Variants in PARD3 observed in about 807,000 individuals in gnomAD.
PARD3 encodes partitioning defective 3 homolog.
PARD3 carries 75 observed loss-of-function variants against 155.4 expected under a neutral mutation model. That is an observed-to-expected ratio of 0.48 (90% CI 0.40 to 0.58). PARD3 has a LOEUF of 0.58. Ranked by LOEUF, PARD3 falls within the 20% of genes least tolerant of loss-of-function variation. The pLI is 0.00. For synonymous variants in PARD3, 576 were observed against 610.5 expected, an observed-to-expected ratio of 0.94 and a Z score of 0.83; for missense variants, 1,642 against 1,721.7, an observed-to-expected ratio of 0.95 and a Z score of 0.82.
At chr10:34,312,389 G>A in intron 20 of PARD3, 1 of 1,612,552 alleles carries the variant, frequency 6.2e-7, no homozygotes, top group African/African-American at 1.3e-5. Context: ...AAGGCTAAAT[G>A]AGAGACACGG....
At chr10:34,647,155 C>T (rs900648507) in intron 2 of PARD3, among the ~76,000 whole-genome samples, 1 of 152,176 alleles carries the variant, frequency 6.6e-6, no homozygotes, top group Non-Finnish European at 1.5e-5. Flanking sequence ...ACCAGAATCA[C>T]GTTTTGAAGA....
intron 1 of PARD3, among the ~76,000 whole-genome samples, chr10:34,700,768 T>TA (rs1389504446): frequency 5.9e-5 from 9 of 152,270 alleles, no homozygotes; most frequent in African/African-American, 1.9e-4. Flanking sequence ...GGTCAGGAGT[T>TA]AGAGACCAGC....
In PARD3 at chr10:34,459,810, C is replaced by A. The variant is rs559715503; in HGVS notation, c.583-9362G>T. On this transcript the variant is annotated intron_variant, in intron 4 of 24. Coordinates refer to ENST00000374788, the MANE Select transcript of PARD3 (RefSeq NM_001184785.2). ...TTTAAATCACATATAACTAGTCTGACAATGTAAGATAATTACCACTTTCTT... is the reference window on the plus strand; with the variant it reads ...TTTAAATCACATATAACTAGTCTGAAAATGTAAGATAATTACCACTTTCTT... Among the ~76,000 whole-genome samples the A allele has an allele frequency of 6.6e-4, 101 of 152,154 alleles. 1 individual carries two copies. In the South Asian group the frequency reaches 7.3e-3, roughly 11 times the overall value.
chr10:34,798,601 A>C (rs1381630979), intron 1 of PARD3, among the ~76,000 whole-genome samples: 1 of 151,278 alleles, frequency 6.6e-6, no homozygotes, highest in African/African-American at 2.4e-5. Context: ...GCCGCTCAGG[A>C]AGCTGAGGCA....
chr10:34,730,452 A>C (rs184679995), intron 1 of PARD3, among the ~76,000 whole-genome samples: 2 of 152,318 alleles, frequency 1.3e-5, no homozygotes, highest in Admixed American at 1.3e-4. Context: ...ATCAGGGGAA[A>C]TCAATTTTTA....
At chr10:34,655,618 G>A (rs1292857107) in intron 2 of PARD3, among the ~76,000 whole-genome samples, 1 of 152,162 alleles carries the variant, frequency 6.6e-6, no homozygotes, top group Non-Finnish European at 1.5e-5. Flanking sequence ...GCAGAAGAGG[G>A]CAGAATGCAG....
intron 22 of PARD3, among the ~76,000 whole-genome samples, chr10:34,268,626 T>C (rs1242249294): frequency 6.6e-6 from 1 of 152,004 alleles, no homozygotes; most frequent in Non-Finnish European, 1.5e-5. Context: ...ATGTCCTTTG[T>C]AGGGACATGG....
intron 19 of PARD3, among the ~76,000 whole-genome samples, chr10:34,323,119 T>C (rs956095546): frequency 2.0e-5 from 3 of 152,212 alleles, no homozygotes; most frequent in Non-Finnish European, 4.4e-5. Flanking sequence ...AACTCCTGCA[T>C]AGGAATCAAG....
chr10:34,676,250 C>T (rs1035305375), intron 2 of PARD3, among the ~76,000 whole-genome samples: 1 of 152,158 alleles, frequency 6.6e-6, no homozygotes, highest in African/African-American at 2.4e-5. Context: ...GGAAACCTTA[C>T]CTCAAAGTGA....
chr10:34,379,232 C>T (rs1307316796), intron 9 of PARD3, among the ~76,000 whole-genome samples: 1 of 151,154 alleles, frequency 6.6e-6, no homozygotes, highest in African/African-American at 2.4e-5. Flanking sequence ...TATAAGTGAA[C>T]AAAAAAGGGT....
chr10:34,208,742 C>T (rs1000872100), intron 22 of PARD3, among the ~76,000 whole-genome samples: 6 of 152,088 alleles, frequency 3.9e-5, no homozygotes, highest in South Asian at 2.1e-4. Context: ...CTCAAGGAGC[C>T]GAGGGCCATC....
intron 2 of PARD3, among the ~76,000 whole-genome samples, chr10:34,596,852 A>T (rs1001502621): frequency 6.6e-6 from 1 of 152,200 alleles, no homozygotes; most frequent in Non-Finnish European, 1.5e-5. Flanking sequence ...TATTACCTAA[A>T]TCTTAAATAA....
intron 11 of PARD3, among the ~76,000 whole-genome samples, chr10:34,374,357 T>C (rs964452690): frequency 2.6e-5 from 4 of 152,230 alleles, no homozygotes; most frequent in Non-Finnish European, 5.9e-5. Flanking sequence ...ATTTGTATAA[T>C]TAATAGCCAT....
intron 3 of PARD3, among the ~76,000 whole-genome samples, chr10:34,507,427 T>C (rs1027117034): frequency 4.0e-5 from 6 of 150,876 alleles, no homozygotes; most frequent in African/African-American, 1.5e-4. Flanking sequence ...AAATAAACAA[T>C]AGAGGTAACG....
chr10:34,760,971 ATAAAT>A (rs1050268464), intron 1 of PARD3, among the ~76,000 whole-genome samples: 35 of 152,334 alleles, frequency 2.3e-4, no homozygotes, highest in African/African-American at 8.2e-4. Flanking sequence ...ACTGCAATAA[ATAAAT>A]TAAATTAAAT....
At chr10:34,640,443 CCT>C (rs995130538) in intron 2 of PARD3, among the ~76,000 whole-genome samples, 10 of 151,966 alleles carry the variant, frequency 6.6e-5, no homozygotes, top group African/African-American at 2.2e-4. Flanking sequence ...ATGGTGAAAC[CCT>C]GTCTCTACTA....
chr10:34,406,593 T>A (rs1347277855), intron 5 of PARD3, among the ~76,000 whole-genome samples: 1 of 152,184 alleles, frequency 6.6e-6, no homozygotes, highest in East Asian at 1.9e-4. Flanking sequence ...GGTCTTGCTA[T>A]GTTGCCCAGT....
intron 22 of PARD3, among the ~76,000 whole-genome samples, chr10:34,228,613 T>C (rs546687022): frequency 6.6e-6 from 1 of 152,190 alleles, no homozygotes; most frequent in South Asian, 2.1e-4. Flanking sequence ...AATTATAGAC[T>C]TGTACACTTT....
At chr10:34,208,276 G>GTC (rs1951573493) in intron 22 of PARD3, among the ~76,000 whole-genome samples, 1 of 152,184 alleles carries the variant, frequency 6.6e-6, no homozygotes. Context: ...GTATTTCAGC[G>GTC]AAGAAAAGTA....
Sources: gnomAD v4.1 joint callset for allele counts (sites outside exome capture counted in the v4.1 genomes callset) on GRCh38, gnomAD v4.1.1 for gene constraint, MANE v1.5 for transcripts, NCBI Gene and HGNC (gene_info 2026-07-23, HGNC 2026-07-21) for gene names.